CNDP1: variants seen among roughly 807,000 people sequenced by gnomAD.
CNDP1 encodes the protein beta-Ala-His dipeptidase.
CNDP1 carries 44 observed loss-of-function variants against 58.1 expected under a neutral mutation model. The observed-to-expected ratio is 0.76, with a 90% CI of 0.60 to 0.97. The LOEUF is 0.97. Ranked by LOEUF, CNDP1 falls within the 50% of genes least tolerant of loss-of-function variation. The probability of loss-of-function intolerance (pLI) is 0.00; values close to 1 mark genes in which losing one functional copy is unlikely to be tolerated. For missense variants in CNDP1, 616 were observed against 655.1 expected (o/e 0.94, Z 0.65); for synonymous variants, 254 against 252.6 (o/e 1.01, Z -0.05).
chr18:74,569,559 G>A (rs531310567), intron 6 of CNDP1, among the ~76,000 whole-genome samples: 5 of 152,274 alleles, frequency 3.3e-5, no homozygotes, highest in South Asian at 2.1e-4. Flanking sequence ...GAACATTGAA[G>A]GGCATGGTTG....
chr18:74,548,190 G>T (rs1197856356), intron 1 of CNDP1, among the ~76,000 whole-genome samples: 1 of 152,184 alleles, frequency 6.6e-6, no homozygotes, highest in Non-Finnish European at 1.5e-5. Context: ...TGAGAGTTTG[G>T]ATCTGTGTCC....
intron 1 of CNDP1, among the ~76,000 whole-genome samples, chr18:74,554,528 G>A (rs1254041121): frequency 1.3e-5 from 2 of 151,576 alleles, no homozygotes; most frequent in Non-Finnish European, 2.9e-5. Flanking sequence ...CAATGTGTTG[G>A]GGGGCTCGTC....
chr18:74,569,852 A>C (rs1314171645), intron 6 of CNDP1, among the ~76,000 whole-genome samples: 1 of 152,140 alleles, frequency 6.6e-6, no homozygotes, highest in Non-Finnish European at 1.5e-5. Context: ...TGAATGTTAT[A>C]GACTGAACAT....
chr18:74,554,828 C>T (rs561009080), intron 1 of CNDP1, among the ~76,000 whole-genome samples: 6 of 152,300 alleles, frequency 3.9e-5, no homozygotes, highest in African/African-American at 1.4e-4. Flanking sequence ...AAAAGATCAC[C>T]CAGGCTGCTT....
intron 9 of CNDP1, 53 bp from the exon 10 acceptor site, chr18:74,580,077 T>C: frequency 6.6e-7 from 1 of 1,509,054 alleles, no homozygotes; most frequent in Non-Finnish European, 9.1e-7. Context: ...ATATTAACTG[T>C]ATGAGAGAAT....
intron 8 of CNDP1, chr18:74,577,916 G>T: frequency 2.7e-6 from 1 of 371,132 alleles, no homozygotes. Context: ...ACTGAAAACT[G>T]CAGATCTTGG....
At chr18:74,550,200 A>T (rs1291253255) in intron 1 of CNDP1, among the ~76,000 whole-genome samples, 1 of 152,238 alleles carries the variant, frequency 6.6e-6, no homozygotes, top group African/African-American at 2.4e-5. Flanking sequence ...GGCAGCTTAC[A>T]TCCTAACCTT....
intron 7 of CNDP1, among the ~76,000 whole-genome samples, chr18:74,575,867 A>AT (rs34962477): frequency 0.51 from 48,592 of 94,724 alleles, 14,210 homozygotes; most frequent in Non-Finnish European, 0.57. Flanking sequence ...GTGTGTATAC[A>AT]TTTTTTTTTT....
At chr18:74,552,607 T>C (rs568788332) in intron 1 of CNDP1, among the ~76,000 whole-genome samples, 2 of 152,384 alleles carry the variant, frequency 1.3e-5, no homozygotes, top group South Asian at 4.1e-4. Flanking sequence ...CCTTTTTATG[T>C]AAGATAAAAA....
chr18:74,557,626 C>A (rs890310737), intron 2 of CNDP1, among the ~76,000 whole-genome samples: 5 of 152,028 alleles, frequency 3.3e-5, no homozygotes, highest in African/African-American at 1.2e-4. Context: ...TCCCCACACA[C>A]CCCCACACAT....
At chr18:74,534,718 C>G in intron 1 of CNDP1, 27 bp downstream of exon 1, 1 of 1,613,524 alleles carries the variant, frequency 6.2e-7, no homozygotes, top group Non-Finnish European at 8.5e-7. Context: ...CCATCAGAGT[C>G]CGTGCATTGG....
rs1349735181 is a variant in CNDP1, at chr18:74,584,610, C to T, written c.*48C>T. The T allele has an allele frequency of 5.1e-6, 7 of 1,384,564 alleles. No homozygotes were observed. Among genetic ancestry groups the T allele is most frequent in the South Asian group, 1.2e-5 (1 of 86,586 alleles). 85.8% of individuals were successfully genotyped at this position (1,384,564 alleles called of 1,614,324 possible). A position where few individuals can be genotyped will look rare whatever the true frequency, so the allele number is the denominator to read the frequency against. On this transcript the variant is annotated 3_prime_UTR_variant, in exon 12 of 12. Coordinates refer to ENST00000358821, the MANE Select transcript of CNDP1 (RefSeq NM_032649.6). Reference sequence around the variant, plus strand: ...TCTGATCCACTGACAGATTCACCTCCCCCACATCCCTAGACAGGGATGGAA... The same window carrying T: ...TCTGATCCACTGACAGATTCACCTCTCCCACATCCCTAGACAGGGATGGAA...
chr18:74,551,008 C>T (rs1980891615), intron 1 of CNDP1, among the ~76,000 whole-genome samples: 1 of 152,084 alleles, frequency 6.6e-6, no homozygotes, highest in Non-Finnish European at 1.5e-5. Flanking sequence ...GAAATGTAAT[C>T]CTCAATGTTG....
chr18:74,567,927 G>C (rs1264239237), intron 6 of CNDP1, among the ~76,000 whole-genome samples: 1 of 152,198 alleles, frequency 6.6e-6, no homozygotes, highest in Non-Finnish European at 1.5e-5. Context: ...GCCCAGCCTT[G>C]TGCAGGTGGT....
At chr18:74,575,479 C>T (rs1981607476) in intron 7 of CNDP1, among the ~76,000 whole-genome samples, 2 of 152,196 alleles carry the variant, frequency 1.3e-5, no homozygotes, top group Admixed American at 6.5e-5. Flanking sequence ...CAGTCTACTT[C>T]CTGGCTGCAT....
At chr18:74,536,757 C>T (rs1247437614) in intron 1 of CNDP1, among the ~76,000 whole-genome samples, 1 of 152,240 alleles carries the variant, frequency 6.6e-6, no homozygotes, top group Non-Finnish European at 1.5e-5. Flanking sequence ...TACACTCCTA[C>T]CAACAACGTA....
Position 74,580,112 on chromosome 18 carries a change from G to C in CNDP1, c.1168-18G>C. On this transcript the variant is annotated intron_variant, in intron 9 of 11. Coordinates refer to ENST00000358821, the MANE Select transcript of CNDP1 (RefSeq NM_032649.6). ...TAACTTGACACTTTCTCTTATCATT[G>C]AAAATGTCACCTTTTAGGTGACACG... 1 of 1,607,012 alleles carries C rather than the reference G, an allele frequency of 6.2e-7. No homozygotes were observed. The highest frequency in any genetic ancestry group is 1.3e-5 in the African/African-American group (1 of 74,934).
At chr18:74,573,856 C>T (rs1466326583) in intron 7 of CNDP1, among the ~76,000 whole-genome samples, 3 of 151,474 alleles carry the variant, frequency 2.0e-5, no homozygotes, top group Admixed American at 6.6e-5. Flanking sequence ...TGAATGAAGT[C>T]AAAAACGTGG....
In CNDP1 at chr18:74,576,952, A is replaced by G. The variant is rs748863428; in HGVS notation, c.925A>G (p.Thr309Ala). 2.0e-5 allele frequency: 33 copies of G among 1,613,660 alleles called. No individual in the cohort carries two copies. In the East Asian group the frequency reaches 7.3e-4, roughly 36 times the overall value. ...VVPLTEEEIN[T>A]YKAIHLDLEE... ...TCCTCTTACAGAAGAGGAAATAAAT[A>G]CATACAAAGCCATCCATCTAGACCT... Residue 309 changes from threonine (T) to alanine (A), a missense_variant, in exon 8 of 12, where the codon ACA becomes GCA. Coordinates refer to ENST00000358821, the MANE Select transcript of CNDP1 (RefSeq NM_032649.6).
Sources: allele counts gnomAD v4.1 joint callset (sites outside exome capture counted in the v4.1 genomes callset), GRCh38; gene constraint gnomAD v4.1.1; transcripts MANE v1.5; gene names NCBI Gene and HGNC (gene_info 2026-07-23, HGNC 2026-07-21).